The following CNTN5 variants were observed in gnomAD, a reference collection of about 807,000 sequenced individuals.
CNTN5 encodes contactin-5.
A neutral mutation model predicts 129.1 loss-of-function variants in CNTN5; 77 were observed. The observed-to-expected ratio is 0.60, with a 90% CI of 0.50 to 0.72. CNTN5 has a LOEUF of 0.72. CNTN5 is among the 30% of genes least tolerant of loss of function. The pLI is 0.00. For synonymous variants in CNTN5, 509 were observed against 465.6 expected (o/e 1.09, Z -1.20); for missense variants, 1,478 against 1,328.8 (o/e 1.11, Z -1.75).
intron 1 of CNTN5, among the ~76,000 whole-genome samples, chr11:99,254,568 T>C (rs1243146739): frequency 6.6e-6 from 1 of 152,000 alleles, no homozygotes; most frequent in Admixed American, 6.6e-5. Flanking sequence ...ATAAAAGTAG[T>C]AATATGAACT....
chr11:99,431,967 TG>T (rs199889551), intron 2 of CNTN5, among the ~76,000 whole-genome samples: 1,607 of 152,204 alleles, frequency 0.011, 33 homozygotes, highest in African/African-American at 0.036. Context: ...TCAGTCCACA[TG>T]TTTCAAGACG....
intron 1 of CNTN5, among the ~76,000 whole-genome samples, chr11:99,196,778 A>T (rs1361637256): frequency 2.0e-5 from 3 of 151,604 alleles, no homozygotes; most frequent in Non-Finnish European, 3.0e-5. Context: ...CTTTAAAAAG[A>T]AAAACAAAAT....
intron 1 of CNTN5, among the ~76,000 whole-genome samples, chr11:99,198,778 T>G (rs1281649577): frequency 6.6e-6 from 1 of 152,132 alleles, no homozygotes; most frequent in Non-Finnish European, 1.5e-5. Flanking sequence ...GGAGACTTTT[T>G]GTTTTGTTTG....
At chr11:99,839,307 G>C (rs1191373657) in intron 4 of CNTN5, among the ~76,000 whole-genome samples, 1 of 152,130 alleles carries the variant, frequency 6.6e-6, no homozygotes, top group Non-Finnish European at 1.5e-5. Context: ...ATTAATAAAG[G>C]TAAAATAATC....
intron 6 of CNTN5, among the ~76,000 whole-genome samples, chr11:99,901,651 T>A (rs1291597127): frequency 6.6e-6 from 1 of 152,162 alleles, no homozygotes; most frequent in Non-Finnish European, 1.5e-5. Flanking sequence ...AAATCTAAAT[T>A]CAGCTCACCA....
chr11:100,008,786 T>C (rs1473254087), intron 9 of CNTN5, among the ~76,000 whole-genome samples: 1 of 152,092 alleles, frequency 6.6e-6, no homozygotes, highest in Non-Finnish European at 1.5e-5. Context: ...TTGAACTCTC[T>C]TTGGCCCTTG....
At chr11:99,180,910 G>A (rs1858022727) in intron 1 of CNTN5, among the ~76,000 whole-genome samples, 1 of 152,150 alleles carries the variant, frequency 6.6e-6, no homozygotes, top group South Asian at 2.1e-4. Flanking sequence ...CCCCTCCTTG[G>A]GCTGCGGTAC....
At chr11:99,354,991 T>C (rs1049453508) in intron 2 of CNTN5, among the ~76,000 whole-genome samples, 1 of 152,112 alleles carries the variant, frequency 6.6e-6, no homozygotes, top group African/African-American at 2.4e-5. Flanking sequence ...AATACACTTA[T>C]CTCAGGGCCC....
intron 23 of CNTN5, among the ~76,000 whole-genome samples, chr11:100,344,070 TAA>T (rs538828189): frequency 2.3e-3 from 353 of 152,078 alleles, no homozygotes; most frequent in South Asian, 0.01. Context: ...ATTGGAATAT[TAA>T]AAAGGGAGGT....
intron 4 of CNTN5, among the ~76,000 whole-genome samples, chr11:99,843,482 T>C (rs950633809): frequency 6.6e-6 from 1 of 152,078 alleles, no homozygotes; most frequent in Non-Finnish European, 1.5e-5. Flanking sequence ...GGAACATTTA[T>C]TTTTATACTT....
chr11:99,718,705 A>G (rs1382796191), intron 3 of CNTN5, among the ~76,000 whole-genome samples: 3 of 152,126 alleles, frequency 2.0e-5, no homozygotes, highest in African/African-American at 7.2e-5. Flanking sequence ...AGATGAGAGA[A>G]AAAAATTTTA....
intron 3 of CNTN5, among the ~76,000 whole-genome samples, chr11:99,686,777 GGT>G (rs1436173385): frequency 6.6e-6 from 1 of 152,106 alleles, no homozygotes. Flanking sequence ...GTGGACTGCT[GGT>G]CTCCTTCTAG....
At chr11:99,523,674 C>CAGAAT (rs1565258756) in intron 2 of CNTN5, among the ~76,000 whole-genome samples, 6 of 67,864 alleles carry the variant, frequency 8.8e-5, no homozygotes, top group African/African-American at 4.1e-4. Context: ...CAGAACAGAA[C>CAGAAT]AGAACAGAAC....
intron 3 of CNTN5, among the ~76,000 whole-genome samples, chr11:99,757,985 T>C (rs929151477): frequency 3.9e-5 from 6 of 152,234 alleles, no homozygotes; most frequent in Admixed American, 3.3e-4. Flanking sequence ...ATAAACATTT[T>C]GCTTAATTGT....
chr11:99,407,060 T>A (rs747366800), intron 2 of CNTN5, among the ~76,000 whole-genome samples: 26 of 152,132 alleles, frequency 1.7e-4, no homozygotes, highest in Non-Finnish European at 3.5e-4. Context: ...GCCAAGCGAG[T>A]ACCTAACATG....
At chr11:99,540,516 G>C (rs750060868) in intron 2 of CNTN5, among the ~76,000 whole-genome samples, 1 of 151,948 alleles carries the variant, frequency 6.6e-6, no homozygotes, top group Non-Finnish European at 1.5e-5. Flanking sequence ...ATGTGGCCTG[G>C]GATACAAACT....
At chr11:100,342,183 A>ACACACACACACACACACACAC (rs71053115) in intron 23 of CNTN5, among the ~76,000 whole-genome samples, 1 of 150,772 alleles carries the variant, frequency 6.6e-6, no homozygotes, top group African/African-American at 2.4e-5. Flanking sequence ...ACACACACAC[A>ACACACACACACACACACACAC]AGTCCATCAG....
chr11:99,694,396 T>C (rs1954171112), intron 3 of CNTN5, among the ~76,000 whole-genome samples: 2 of 152,072 alleles, frequency 1.3e-5, no homozygotes, highest in South Asian at 2.1e-4. Flanking sequence ...AAGGCAAAAA[T>C]AAGTATCATG....
At chr11:99,592,621 CA>C (rs1045021793) in intron 3 of CNTN5, among the ~76,000 whole-genome samples, 31 of 148,648 alleles carry the variant, frequency 2.1e-4, no homozygotes, top group South Asian at 1.5e-3. Context: ...TTGAAGCGTT[CA>C]AAAAATTAGA....
Sources: gnomAD v4.1 joint callset for allele counts (sites outside exome capture counted in the v4.1 genomes callset) on GRCh38, gnomAD v4.1.1 for gene constraint, MANE v1.5 for transcripts, NCBI Gene and HGNC (gene_info 2026-07-23, HGNC 2026-07-21) for gene names.